TDRD9: variants seen among roughly 807,000 people sequenced by gnomAD.
TDRD9 encodes ATP-dependent RNA helicase TDRD9.
In TDRD9, 124 loss-of-function variants were observed where a neutral mutation model predicts 172.6. That is an observed-to-expected ratio of 0.72 (90% confidence interval 0.62 to 0.83). TDRD9 has a LOEUF of 0.83. TDRD9 is among the 40% of genes least tolerant of loss of function. TDRD9 has a pLI of 0.00. For missense variants in TDRD9, 1,479 were observed against 1,714.1 expected (o/e 0.86, Z 2.42); for synonymous variants, 619 against 617.1 (o/e 1.00, Z -0.05).
intron 6 of TDRD9, among the ~76,000 whole-genome samples, chr14:103,974,185 G>A (rs2033145860): frequency 6.6e-6 from 1 of 152,194 alleles, no homozygotes. Context: ...CTGGGTGGTA[G>A]AGCCAGAACT....
chr14:103,999,642 G>GCCATTTAATCTTTTAATGTTCCT (rs2034185928), intron 13 of TDRD9, among the ~76,000 whole-genome samples: 1 of 125,956 alleles, frequency 7.9e-6, no homozygotes, highest in Non-Finnish European at 1.7e-5. Context: ...TTGTTTTTTA[G>GCCATTTAATCTTTTAATGTTCCT]AAAACCTTTT....
intron 28 of TDRD9, among the ~76,000 whole-genome samples, chr14:104,027,638 G>A (rs956438305): frequency 6.6e-6 from 1 of 152,166 alleles, no homozygotes. Context: ...TGTATATAAT[G>A]TATAATGATC....
intron 6 of TDRD9, among the ~76,000 whole-genome samples, chr14:103,971,545 T>C (rs1199507637): frequency 2.0e-5 from 3 of 152,016 alleles, no homozygotes; most frequent in Non-Finnish European, 4.4e-5. Flanking sequence ...CTCAACTGAT[T>C]TGCTTGCTTT....
intron 20 of TDRD9, among the ~76,000 whole-genome samples, chr14:104,008,976 G>C (rs1050789167): frequency 6.6e-6 from 1 of 152,168 alleles, no homozygotes; most frequent in Non-Finnish European, 1.5e-5. Flanking sequence ...ATCTTACATT[G>C]CTTAATGACA....
At chr14:104,051,860 T>C (rs977597444) in intron 35 of TDRD9, 121 bp from the exon 36 acceptor site, 9 of 599,954 alleles carry the variant, frequency 1.5e-5, no homozygotes, top group Non-Finnish European at 2.8e-5. Context: ...AGAAGTGTTC[T>C]GTAAATATTT....
intron 1 of TDRD9, among the ~76,000 whole-genome samples, chr14:103,954,385 C>T (rs923542400): frequency 2.0e-5 from 3 of 152,166 alleles, no homozygotes; most frequent in African/African-American, 7.2e-5. Flanking sequence ...ATTATGTCTC[C>T]TTCACAAGAA....
At chr14:103,956,104 AAAAAAAAAT>A (rs1441071885) in intron 2 of TDRD9, among the ~76,000 whole-genome samples, 30 of 51,738 alleles carry the variant, frequency 5.8e-4, no homozygotes, top group South Asian at 8.5e-4. Flanking sequence ...AAAAAAAAAA[AAAAAAAAAT>A]ATATATATAT....
chr14:104,014,873 CT>C, intron 21 of TDRD9, 32 bp downstream of exon 21: 1 of 1,265,058 alleles, frequency 7.9e-7, no homozygotes. Flanking sequence ...ATTTTTTTTC[CT>C]GATTCTTTCT....
intron 5 of TDRD9, among the ~76,000 whole-genome samples, chr14:103,968,107 T>C (rs772533640): frequency 7.3e-5 from 11 of 150,294 alleles, no homozygotes; most frequent in Non-Finnish European, 1.5e-4. Flanking sequence ...CATACTTGAG[T>C]GACACAGATA....
intron 13 of TDRD9, among the ~76,000 whole-genome samples, chr14:104,002,706 T>C (rs2034302160): frequency 6.7e-6 from 1 of 150,222 alleles, no homozygotes; most frequent in Non-Finnish European, 1.5e-5. Flanking sequence ...GAGGCATCTT[T>C]AGGCTAACCT....
chr14:104,019,007 A>G (rs1000953705), intron 23 of TDRD9, among the ~76,000 whole-genome samples: 6 of 152,222 alleles, frequency 3.9e-5, no homozygotes, highest in African/African-American at 1.4e-4. Context: ...ACAACTCCCT[A>G]ATAAGCAAAA....
chr14:103,970,899 T>A (rs2032992913), intron 6 of TDRD9, among the ~76,000 whole-genome samples: 4 of 152,266 alleles, frequency 2.6e-5, no homozygotes, highest in South Asian at 4.1e-4. Flanking sequence ...CTCTATTTTT[T>A]AAATTTGTAT....
At chr14:104,043,179 A>G (rs540202753) in intron 34 of TDRD9, among the ~76,000 whole-genome samples, 2 of 151,338 alleles carry the variant, frequency 1.3e-5, no homozygotes, top group Non-Finnish European at 2.9e-5. Context: ...GTGCACCACC[A>G]CACCTGGCTA....
Position 104,052,324 on chromosome 14 carries a change from A to G in TDRD9, c.*242A>G, listed in dbSNP as rs986931553. The G allele has an allele frequency of 2.3e-5, 7 of 302,938 alleles. No individual in the cohort carries two copies. The highest frequency in any genetic ancestry group is 3.7e-5 in the Non-Finnish European group (6 of 161,718). The allele number at this position is 302,938 out of a possible 1,614,324, so 18.8% of individuals were successfully genotyped here. On this transcript the variant is annotated 3_prime_UTR_variant, in exon 36 of 36. Coordinates refer to ENST00000409874, the MANE Select transcript of TDRD9 (RefSeq NM_153046.3). ...GAAACAGAAAATCACTGTATTAAAT[A>G]TTTTGGAAAGATTGTTCTGAAAGAA... is the stretch of plus-strand genomic sequence containing the variant.
At chr14:104,037,932 T>C (rs1390323443) in intron 32 of TDRD9, among the ~76,000 whole-genome samples, 2 of 152,182 alleles carry the variant, frequency 1.3e-5, no homozygotes, top group Non-Finnish European at 2.9e-5. Context: ...GCATCATCAT[T>C]GTGTACCTTG....
intron 24 of TDRD9, among the ~76,000 whole-genome samples, chr14:104,023,096 C>T (rs181287893): frequency 1.5e-5 from 2 of 133,784 alleles, no homozygotes; most frequent in East Asian, 5.0e-4. Flanking sequence ...GCAGGACAAT[C>T]AATTAAACCC....
chr14:103,968,840 C>A (rs2032886284), intron 5 of TDRD9, among the ~76,000 whole-genome samples: 1 of 142,280 alleles, frequency 7.0e-6, no homozygotes, highest in African/African-American at 2.6e-5. Context: ...GTGGCTCACG[C>A]CTATAATCTC....
chr14:104,036,727 A>T (rs999602827), intron 32 of TDRD9, among the ~76,000 whole-genome samples: 4 of 152,244 alleles, frequency 2.6e-5, no homozygotes, highest in Admixed American at 2.6e-4. Context: ...TAGAAAAAGC[A>T]CAAGCTTAAT....
chr14:103,937,930 G>A (rs764291409), intron 1 of TDRD9, among the ~76,000 whole-genome samples: 11 of 151,790 alleles, frequency 7.2e-5, no homozygotes, highest in African/African-American at 1.7e-4. Flanking sequence ...TTGCCTGTGA[G>A]CATCCAAGAG....
Sources: gnomAD v4.1 joint callset for allele counts (sites outside exome capture counted in the v4.1 genomes callset) on GRCh38, gnomAD v4.1.1 for gene constraint, MANE v1.5 for transcripts, NCBI Gene and HGNC (gene_info 2026-07-23, HGNC 2026-07-21) for gene names.